Variants in TNR observed in about 807,000 individuals in gnomAD.
TNR encodes tenascin-R.
Under a neutral mutation model 150.4 loss-of-function variants are expected in TNR, and 45 were observed. The observed-to-expected ratio is 0.30, with a 90% CI of 0.24 to 0.38. The LOEUF is 0.38. Ranked by LOEUF, TNR falls within the 10% of genes least tolerant of loss-of-function variation. The pLI is 1.00. For missense variants in TNR, 1,544 were observed against 1,759.1 expected (o/e 0.88, Z 2.19); for synonymous variants, 687 against 678.4 (o/e 1.01, Z -0.20).
chr1:175,659,641 C>T (rs1425118288), intron 1 of TNR, among the ~76,000 whole-genome samples: 5 of 152,164 alleles, frequency 3.3e-5, no homozygotes, highest in Non-Finnish European at 7.3e-5. Context: ...CCTCATCAAG[C>T]ACTGCTTCTT....
At chr1:175,391,472 A>G (rs1653168967) in intron 6 of TNR, 34 bp from the exon 7 acceptor site, 3 of 1,603,608 alleles carry the variant, frequency 1.9e-6, no homozygotes, top group Admixed American at 3.4e-5. Context: ...AGCAAAAGAG[A>G]AAAGTCACTG....
At chr1:175,715,804 T>G (rs1298684627) in intron 1 of TNR, among the ~76,000 whole-genome samples, 4 of 152,170 alleles carry the variant, frequency 2.6e-5, no homozygotes, top group African/African-American at 9.7e-5. Flanking sequence ...CTGGGGCTTA[T>G]TCCTCCTTCC....
At chr1:175,695,975 C>T (rs1042210805) in intron 1 of TNR, among the ~76,000 whole-genome samples, 2 of 118,336 alleles carry the variant, frequency 1.7e-5, no homozygotes, top group Admixed American at 9.2e-5. Flanking sequence ...GATGCATGGA[C>T]AGATGGATAT....
At chr1:175,331,049 CTTT>C (rs1649780770) in intron 20 of TNR, among the ~76,000 whole-genome samples, 1 of 103,170 alleles carries the variant, frequency 9.7e-6, no homozygotes, top group Non-Finnish European at 2.0e-5. Context: ...TTCTTTCTTT[CTTT>C]CTTTCTTTCT....
intron 2 of TNR, among the ~76,000 whole-genome samples, chr1:175,445,990 A>G (rs753460175): frequency 1.3e-5 from 2 of 152,160 alleles, no homozygotes; most frequent in Non-Finnish European, 2.9e-5. Context: ...GGCTTTTTAA[A>G]TCTTTTCACA....
chr1:175,681,793 G>A (rs1365636652), intron 1 of TNR, among the ~76,000 whole-genome samples: 1 of 152,164 alleles, frequency 6.6e-6, no homozygotes, highest in Non-Finnish European at 1.5e-5. Flanking sequence ...AGTGGGGAGT[G>A]GGGTAGGGTA....
chr1:175,619,559 G>A (rs896498294), intron 1 of TNR, among the ~76,000 whole-genome samples: 8 of 152,134 alleles, frequency 5.3e-5, no homozygotes, highest in Admixed American at 2.6e-4. Context: ...TCCACAGCTC[G>A]CTTTGGACCT....
intron 1 of TNR, among the ~76,000 whole-genome samples, chr1:175,578,529 G>A (rs552483716): frequency 3.7e-4 from 57 of 152,118 alleles, no homozygotes; most frequent in Non-Finnish European, 6.8e-4. Flanking sequence ...CATACAGAGG[G>A]GGAGCATTAC....
intron 5 of TNR, among the ~76,000 whole-genome samples, chr1:175,395,771 T>C (rs893078694): frequency 3.9e-5 from 6 of 152,246 alleles, no homozygotes; most frequent in African/African-American, 1.4e-4. Context: ...CCTATCTCCT[T>C]CTTATTCTAC....
At position 175,331,060 on chromosome 1, in the gene TNR, T is replaced by TC. The variant is rs879498018; in HGVS notation, c.3632-826dup. Reference sequence around the variant, plus strand: ...TTCTTTCTTTCTTTCTTTCTTTCTTTCTTTCTTTCTTTCTTTCCTTCTTTC... The same window carrying TC: ...TTCTTTCTTTCTTTCTTTCTTTCTTTCCTTTCTTTCTTTCTTTCCTTCTTTC... On this transcript the variant is annotated intron_variant, in intron 20 of 22. Coordinates refer to ENST00000367674, the MANE Select transcript of TNR (RefSeq NM_003285.3). 9.8e-4 allele frequency among the ~76,000 whole-genome samples: 125 copies of TC among 127,328 alleles called. 3 individuals are homozygous for TC. The highest frequency in any genetic ancestry group is 3.1e-3 in the African/African-American group (99 of 31,828). The allele number at this position is 127,328 out of a possible 152,430, so 83.5% of individuals were successfully genotyped here. A position where few individuals can be genotyped will look rare whatever the true frequency, so the allele number is the denominator to read the frequency against.
intron 1 of TNR, among the ~76,000 whole-genome samples, chr1:175,714,926 A>G (rs565419428): frequency 5.3e-5 from 8 of 152,140 alleles, no homozygotes; most frequent in East Asian, 3.9e-4. Flanking sequence ...GCAGTCCCCA[A>G]AGAGATCCCA....
intron 2 of TNR, among the ~76,000 whole-genome samples, chr1:175,446,024 G>A (rs903615493): frequency 6.6e-6 from 1 of 152,150 alleles, no homozygotes; most frequent in South Asian, 2.1e-4. Flanking sequence ...CTGTGGTTTG[G>A]TTATTGATCC....
intron 8 of TNR, among the ~76,000 whole-genome samples, chr1:175,381,986 T>C (rs540593651): frequency 6.6e-6 from 1 of 152,354 alleles, no homozygotes; most frequent in African/African-American, 2.4e-5. Context: ...GCCTGGAATG[T>C]TCTCCAGATC....
rs1661439083 is a variant in TNR, at chr1:175,561,813, A to G, written c.-164-33444T>C. ...ACTTTTCTATAATGGCTTGGTATGT[A>G]TAATGTTGTAGTACACAGTCCCTTA... On this transcript the variant is annotated intron_variant, in intron 1 of 22. Coordinates refer to ENST00000367674, the MANE Select transcript of TNR (RefSeq NM_003285.3). 3.9e-5 allele frequency among the ~76,000 whole-genome samples: 6 copies of G among 152,318 alleles called. No homozygotes were observed. The South Asian group carries it at 1.2e-3, about 32-fold the overall frequency.
At chr1:175,360,523 C>T (rs1276733638) in intron 14 of TNR, among the ~76,000 whole-genome samples, 1 of 152,208 alleles carries the variant, frequency 6.6e-6, no homozygotes, top group Non-Finnish European at 1.5e-5. Flanking sequence ...CTGTGCTTCT[C>T]TTCCATCAGG....
At chr1:175,561,385 T>A (rs976551712) in intron 1 of TNR, among the ~76,000 whole-genome samples, 1 of 152,212 alleles carries the variant, frequency 6.6e-6, no homozygotes, top group East Asian at 1.9e-4. Context: ...AGCATAATCA[T>A]CATACATAGA....
At chr1:175,431,836 C>T (rs1204959686) in intron 2 of TNR, among the ~76,000 whole-genome samples, 1 of 149,830 alleles carries the variant, frequency 6.7e-6, no homozygotes, top group African/African-American at 2.5e-5. Flanking sequence ...ATCAGCCAGT[C>T]TTCAGCTCTC....
chr1:175,432,020 A>T (rs1165903785), intron 2 of TNR, among the ~76,000 whole-genome samples: 1 of 148,284 alleles, frequency 6.7e-6, no homozygotes, highest in Non-Finnish European at 1.5e-5. Context: ...CCCAGCTGGC[A>T]AGATATAAGA....
Position 175,403,388 on chromosome 1 carries a change from C to G in TNR, c.728G>C (p.Gly243Ala). 2 of 1,614,204 alleles carry G rather than the reference C, an allele frequency of 1.2e-6. No homozygotes were observed. The highest frequency in any genetic ancestry group is 8.5e-7 in the Non-Finnish European group (1 of 1,180,048). ...GACACACTCCCCGTCCACGCAGAGC[C>G]CCCGGGAGCTGCAGTCTGTTGGGCA... ...LRCPTDCSSR[G>A]LCVDGECVCE... The change falls in exon 4 of 23, where the codon GGG becomes GCG. Residue 243 changes from glycine to alanine, a missense_variant. Gly to Ala is a moderately conservative substitution (Grantham distance 60, BLOSUM62 0). Around this residue, in one of 2 missense-constraint regions of TNR, gnomAD observed 1,254 missense variants for 1,329.4 expected, o/e 0.94. Transcript: ENST00000367674.
Sources: gnomAD v4.1 joint callset for allele counts (sites outside exome capture counted in the v4.1 genomes callset) on GRCh38, gnomAD v4.1.1 for gene constraint, gnomAD v4.1.1 regional missense constraint, MANE v1.5 for transcripts, NCBI Gene and HGNC (gene_info 2026-07-23, HGNC 2026-07-21) for gene names.